The following WDR7 variants were observed in gnomAD, a reference collection of about 807,000 sequenced individuals.
The protein encoded by WDR7 is WD repeat domain 7.
A neutral mutation model predicts 169.4 loss-of-function variants in WDR7; 46 were observed. That is an observed-to-expected ratio of 0.27 (90% CI 0.21 to 0.35). The LOEUF (loss-of-function observed/expected upper bound fraction) is 0.35. Among genes scored for constraint, WDR7 ranks in the 10% least tolerant of loss-of-function variants. The probability of loss-of-function intolerance (pLI) is 1.00; values close to 1 mark genes in which losing one functional copy is unlikely to be tolerated. For synonymous variants in WDR7, 612 were observed against 666.8 expected, an observed-to-expected ratio of 0.92 and a Z score of 1.27; for missense variants, 1,534 against 1,859.3, an observed-to-expected ratio of 0.83 and a Z score of 3.22.
At position 56,816,156 on chromosome 18, in the gene WDR7, C is replaced by T. The variant is rs774001296; in HGVS notation, c.3304+12C>T. On this transcript the variant is annotated intron_variant, in intron 20 of 27. Coordinates refer to ENST00000254442, the MANE Select transcript of WDR7 (RefSeq NM_015285.3). ...TGACATCACCACTGGTAAGCACAGA[C>T]ATCTTTAACGTCTGATTGGAGCTTT... The T allele has an allele frequency of 1.3e-6, 2 of 1,596,418 alleles. No homozygotes were observed. Among genetic ancestry groups the T allele is most frequent in the Admixed American group, 1.8e-5 (1 of 55,790 alleles).
chr18:56,674,737 G>A (rs633235), intron 2 of WDR7, among the ~76,000 whole-genome samples: 139,778 of 152,228 alleles, frequency 0.92, 65,337 homozygotes, highest in East Asian at 1. Context: ...CTAAGAAACC[G>A]TTGCTAAATC....
chr18:56,948,105 T>A (rs2047131730), intron 25 of WDR7, among the ~76,000 whole-genome samples: 1 of 152,116 alleles, frequency 6.6e-6, no homozygotes. Context: ...AAATTAGATA[T>A]GCCTCTAGAC....
intron 25 of WDR7, 38 bp from the exon 26 acceptor site, chr18:56,962,389 GCTT>G: frequency 6.3e-7 from 1 of 1,581,902 alleles, no homozygotes; most frequent in South Asian, 1.1e-5. Context: ...ATCTCACCTG[GCTT>G]CTTGTTTTTG....
chr18:56,802,523 A>ATTTTTT (rs34077855), intron 19 of WDR7, among the ~76,000 whole-genome samples: 1 of 132,396 alleles, frequency 7.6e-6, no homozygotes, highest in African/African-American at 2.7e-5. Context: ...ACACCGGCTA[A>ATTTTTT]TTTTTTTTTT....
At chr18:56,997,668 T>C (rs1206467165) in intron 26 of WDR7, among the ~76,000 whole-genome samples, 1 of 152,250 alleles carries the variant, frequency 6.6e-6, no homozygotes, top group African/African-American at 2.4e-5. Flanking sequence ...GTAAAAAATA[T>C]ATTTTAATTC....
At chr18:56,742,402 T>C (rs1233993013) in intron 14 of WDR7, among the ~76,000 whole-genome samples, 2 of 152,224 alleles carry the variant, frequency 1.3e-5, no homozygotes, top group Non-Finnish European at 2.9e-5. Flanking sequence ...AAAATGCTAA[T>C]AATTTAGTAT....
chr18:56,878,764 C>T (rs1401614901), intron 20 of WDR7, among the ~76,000 whole-genome samples: 7 of 152,150 alleles, frequency 4.6e-5, no homozygotes, highest in African/African-American at 1.7e-4. Context: ...CTTTCTGTCT[C>T]TATGGATTTG....
chr18:56,923,242 T>C (rs866036380), intron 21 of WDR7, among the ~76,000 whole-genome samples: 14 of 152,308 alleles, frequency 9.2e-5, no homozygotes, highest in Middle Eastern at 3.4e-3. Flanking sequence ...TAGACGTAAG[T>C]ATACAAATTG....
At chr18:56,956,001 G>A (rs1320319821) in intron 25 of WDR7, among the ~76,000 whole-genome samples, 1 of 152,028 alleles carries the variant, frequency 6.6e-6, no homozygotes, top group Non-Finnish European at 1.5e-5. Flanking sequence ...AAACATTTTT[G>A]ATCTTGCTTG....
At chr18:56,676,224 C>G (rs1210037607) in intron 2 of WDR7, among the ~76,000 whole-genome samples, 1 of 151,966 alleles carries the variant, frequency 6.6e-6, no homozygotes, top group African/African-American at 2.4e-5. Context: ...CATGGAATAT[C>G]TTTTTTCATC....
chr18:56,689,654 A>G (rs571547382), intron 7 of WDR7, among the ~76,000 whole-genome samples: 1 of 152,232 alleles, frequency 6.6e-6, no homozygotes, highest in South Asian at 2.1e-4. Context: ...TTTATGTCAG[A>G]TGGACCCCCC....
chr18:56,759,411 T>C (rs918947377), intron 16 of WDR7, among the ~76,000 whole-genome samples: 31 of 152,268 alleles, frequency 2.0e-4, no homozygotes, highest in African/African-American at 6.7e-4. Context: ...TTTATTTGAG[T>C]CATTATATAC....
chr18:56,919,835 A>G (rs2046685833), intron 21 of WDR7, among the ~76,000 whole-genome samples: 1 of 152,238 alleles, frequency 6.6e-6, no homozygotes, highest in African/African-American at 2.4e-5. Context: ...CAGAATTAAA[A>G]GGGCATTTGC....
At chr18:56,921,265 A>G (rs1254097933) in intron 21 of WDR7, among the ~76,000 whole-genome samples, 1 of 152,186 alleles carries the variant, frequency 6.6e-6, no homozygotes, top group Non-Finnish European at 1.5e-5. Flanking sequence ...CATCTTTGTA[A>G]TTCCAAAACA....
At chr18:56,664,001 C>T (rs1045655302) in intron 1 of WDR7, among the ~76,000 whole-genome samples, 3 of 151,716 alleles carry the variant, frequency 2.0e-5, no homozygotes. Context: ...GTCTGCTGTA[C>T]CAGAAAAAAA....
intron 26 of WDR7, among the ~76,000 whole-genome samples, chr18:56,974,565 A>G (rs2047538915): frequency 6.6e-6 from 1 of 151,798 alleles, no homozygotes; most frequent in Non-Finnish European, 1.5e-5. Flanking sequence ...AACTAGTTAG[A>G]GCAATAGTGA....
At chr18:56,695,890 T>C (rs1418903749) in intron 11 of WDR7, among the ~76,000 whole-genome samples, 2 of 152,210 alleles carry the variant, frequency 1.3e-5, no homozygotes, top group Non-Finnish European at 2.9e-5. Context: ...ACAGTTGAAA[T>C]TGACTATATT....
chr18:56,900,082 G>GTATATATATATATATATATATATA (rs1191116351), intron 21 of WDR7, among the ~76,000 whole-genome samples: 1 of 32,050 alleles, frequency 3.1e-5, no homozygotes, highest in African/African-American at 6.2e-5. Context: ...GTGTGTGTGT[G>GTATATATATATATATATATATATA]TATATATATA....
At chr18:56,819,138 A>G (rs1032067210) in intron 20 of WDR7, among the ~76,000 whole-genome samples, 1 of 152,186 alleles carries the variant, frequency 6.6e-6, no homozygotes, top group African/African-American at 2.4e-5. Context: ...TTAGGTATGA[A>G]TACTGTTTTA....
Sources: allele counts gnomAD v4.1 joint callset (sites outside exome capture counted in the v4.1 genomes callset), GRCh38; gene constraint gnomAD v4.1.1; transcripts MANE v1.5; gene names NCBI Gene and HGNC (gene_info 2026-07-23, HGNC 2026-07-21).